ZSCAN20: variants seen among roughly 807,000 people sequenced by gnomAD.
The protein encoded by ZSCAN20 is zinc finger and SCAN domain containing 20.
Under a neutral mutation model 97.1 loss-of-function variants are expected in ZSCAN20, and 39 were observed. The observed-to-expected ratio is 0.40, with a 90% CI of 0.31 to 0.52. The LOEUF (loss-of-function observed/expected upper bound fraction) is 0.52, where lower values mean the gene tolerates loss of function less well. Among genes scored for constraint, ZSCAN20 ranks in the 20% least tolerant of loss-of-function variants. The probability of loss-of-function intolerance (pLI) is 0.49; values close to 1 mark genes in which losing one functional copy is unlikely to be tolerated. For synonymous variants in ZSCAN20, 456 were observed against 467.3 expected, an observed-to-expected ratio of 0.98 and a Z score of 0.31; for missense variants, 1,115 against 1,290.4, an observed-to-expected ratio of 0.86 and a Z score of 2.08.
chr1:33,500,941 TCTC>T lies in ZSCAN20; in HGVS notation c.*5468_*5470del, dbSNP rs200278120. ...TGTGGCACAAAGGAGAAAGGAGTCT[TCTC>T]CTTCCACATAGAACACACTTGGCTT... On this transcript the variant is annotated 3_prime_UTR_variant, in exon 8 of 8. Coordinates refer to ENST00000684572, the MANE Select transcript of ZSCAN20 (RefSeq NM_001377376.1). Among the ~76,000 whole-genome samples the T allele has an allele frequency of 0.017, 2,615 of 152,032 alleles. 80 individuals are homozygous for T. Among genetic ancestry groups the T allele is most frequent in the African/African-American group, 0.059 (2,449 of 41,458 alleles).
Position 33,499,252 on chromosome 1 carries a change from G to A in ZSCAN20, c.*3776G>A, listed in dbSNP as rs34328270. Among the ~76,000 whole-genome samples the A allele has an allele frequency of 6.6e-6, 1 of 152,212 alleles. No homozygotes were observed. The highest frequency in any genetic ancestry group is 1.5e-5 in the Non-Finnish European group (1 of 68,034). On this transcript the variant is annotated 3_prime_UTR_variant, in exon 8 of 8. Coordinates refer to ENST00000684572, the MANE Select transcript of ZSCAN20 (RefSeq NM_001377376.1). ...GTCTGGAGTGGGTGTGGGTGTTGCA[G>A]GTGAACTTGCCTCACCCAGGCTGTT... is the stretch of plus-strand genomic sequence containing the variant.
At chr1:33,489,662 A>C (rs926339482) in intron 5 of ZSCAN20, 60 bp downstream of exon 5, 3 of 1,523,004 alleles carry the variant, frequency 2.0e-6, no homozygotes, top group Non-Finnish European at 2.7e-6. Flanking sequence ...CCAGTTCCCA[A>C]AGAGGGTTTT....
At chr1:33,474,617 T>G (rs1651852781) in intron 1 of ZSCAN20, among the ~76,000 whole-genome samples, 1 of 152,220 alleles carries the variant, frequency 6.6e-6, no homozygotes, top group Non-Finnish European at 1.5e-5. Context: ...TTGAGATCAC[T>G]TAGCTGAATC....
chr1:33,489,155 G>T lies in ZSCAN20; in HGVS notation c.645G>T (p.Gly215=). The change falls in exon 4 of 8, where the codon GGG becomes GGT. Residue 215 remains glycine (G), a synonymous_variant. Coordinates refer to ENST00000684572, the MANE Select transcript of ZSCAN20 (RefSeq NM_001377376.1). ...GAGTCCCTACTCTCCCAAAGATGGG[G>T]AGCGTTGGAGATTGGGAGGTGACAG... The part of the protein sequence containing the change: ...TPRVPTLPKM[G]SVGDWEVTAE... The T allele has an allele frequency of 6.2e-7, 1 of 1,613,876 alleles. No homozygotes were observed. Among genetic ancestry groups the T allele is most frequent in the Non-Finnish European group, 8.5e-7 (1 of 1,179,878 alleles).
rs1035798352 is a variant in ZSCAN20, at chr1:33,499,116, T to C, written c.*3640T>C. Among the ~76,000 whole-genome samples, 1 of 152,144 alleles carries C rather than the reference T, an allele frequency of 6.6e-6. No individual in the cohort carries two copies. The highest frequency in any genetic ancestry group is 1.5e-5 in the Non-Finnish European group (1 of 68,028). ...CCTCATCTTGTTCTGGGGCCCCCAG[T>C]GGGGATAGCTCTCTGCTTTCGGGCT... is the stretch of plus-strand genomic sequence containing the variant. On this transcript the variant is annotated 3_prime_UTR_variant, in exon 8 of 8. Coordinates refer to ENST00000684572, the MANE Select transcript of ZSCAN20 (RefSeq NM_001377376.1).
chr1:33,489,636 C>G, intron 5 of ZSCAN20, 34 bp downstream of exon 5: 1 of 1,592,658 alleles, frequency 6.3e-7, no homozygotes. Context: ...GTGATGTTGT[C>G]ATGCTTCTGA....
chr1:33,491,680 A>C lies in ZSCAN20; in HGVS notation c.1422A>C (p.Pro474=). The change falls in exon 6 of 8, where the codon CCA becomes CCC. Residue 474 remains proline, a synonymous_variant. Transcript: ENST00000684572. This position sits in a 1 kb window ranked among gnomAD's most constrained non-coding sequence, Gnocchi z 4.3. ...STQGPRIAGA[P]ALFQSRIAGV... ...AGGGGCCCAGGATTGCAGGGGCCCC[A>C]GCTCTGTTCCAGAGTCGTATTGGTA... 1.2e-6 allele frequency: 2 copies of C among 1,602,182 alleles called. No individual in the cohort carries two copies. Among genetic ancestry groups the C allele is most frequent in the Non-Finnish European group, 1.7e-6 (2 of 1,175,544 alleles).
rs1281579263 is a variant in ZSCAN20, at chr1:33,491,727, A to G, written c.1444+25A>G. The G allele has an allele frequency of 4.6e-6, 7 of 1,533,828 alleles. No homozygotes were observed. In the South Asian group the frequency reaches 7.8e-5, roughly 17 times the overall value. On this transcript the variant is annotated intron_variant, in intron 6 of 7. Coordinates refer to ENST00000684572, the MANE Select transcript of ZSCAN20 (RefSeq NM_001377376.1). This position sits in a 1 kb window ranked among gnomAD's most constrained non-coding sequence, Gnocchi z 4.3. ...GGTAAGAACATGGGGGTTTAGTCAG[A>G]TTCAGATTTCCAACCCTCCTACCAG...
chr1:33,479,725 C>G lies in ZSCAN20; in HGVS notation c.417+20C>G, dbSNP rs114695980. The G allele has an allele frequency of 6.7e-7, 1 of 1,485,958 alleles. No individual in the cohort carries two copies. The highest frequency in any genetic ancestry group is 1.4e-5 in the African/African-American group (1 of 70,942). The allele number at this position is 1,485,958 out of a possible 1,614,324, so 92.0% of individuals were successfully genotyped here. On this transcript the variant is annotated intron_variant, in intron 2 of 7. Transcript: ENST00000684572. ...CAGTCGGTGAGACAAACAGTCTTCT[C>G]CTGCAGAGGAGTGGGTCAGGCAAGG...
rs1399808143 is a variant in ZSCAN20 at position 33,497,938 on chromosome 1, G to A, written c.*2462G>A. Among the ~76,000 whole-genome samples the A allele has an allele frequency of 6.6e-6, 1 of 152,182 alleles. No homozygotes were observed. The highest frequency in any genetic ancestry group is 1.5e-5 in the Non-Finnish European group (1 of 68,024). On this transcript the variant is annotated 3_prime_UTR_variant, in exon 8 of 8. Transcript: ENST00000684572. Reference sequence around the variant, plus strand: ...TCATGGTGATGCTATGCATTTGGATGTCGGCTAGCAGCTAGGGGAGAGGCT... The same window carrying A: ...TCATGGTGATGCTATGCATTTGGATATCGGCTAGCAGCTAGGGGAGAGGCT...
intron 1 of ZSCAN20, 142 bp from the exon 2 acceptor site, chr1:33,479,037 G>A: frequency 2.5e-6 from 1 of 393,128 alleles, no homozygotes; most frequent in Non-Finnish European, 4.5e-6. Flanking sequence ...CCAGATTGTG[G>A]CCTTACTTCC....
intron 1 of ZSCAN20, among the ~76,000 whole-genome samples, chr1:33,473,074 T>C (rs2148438588): frequency 6.6e-6 from 1 of 152,108 alleles, no homozygotes; most frequent in Admixed American, 6.5e-5. Context: ...AAAAATAGTG[T>C]TTCAATCTCT....
chr1:33,491,730 C>T lies in ZSCAN20; in HGVS notation c.1444+28C>T, dbSNP rs1557444095. ...AAGAACATGGGGGTTTAGTCAGATTCAGATTTCCAACCCTCCTACCAGCTA... is the reference window on the plus strand; with the variant it reads ...AAGAACATGGGGGTTTAGTCAGATTTAGATTTCCAACCCTCCTACCAGCTA... On this transcript the variant is annotated intron_variant, in intron 6 of 7. Coordinates refer to ENST00000684572, the MANE Select transcript of ZSCAN20 (RefSeq NM_001377376.1). The surrounding 1 kb of genome is among the most constrained non-coding windows in gnomAD (Gnocchi z 4.3). The T allele has an allele frequency of 6.5e-7, 1 of 1,532,422 alleles. No individual in the cohort carries two copies. 94.9% of individuals were successfully genotyped at this position (1,532,422 alleles called of 1,614,324 possible).
At chr1:33,481,146 C>T (rs531386760) in intron 2 of ZSCAN20, among the ~76,000 whole-genome samples, 1 of 152,232 alleles carries the variant, frequency 6.6e-6, no homozygotes, top group South Asian at 2.1e-4. Flanking sequence ...AGTTACAGAA[C>T]TAAGTATGAG....
chr1:33,491,421 G>A lies in ZSCAN20; in HGVS notation c.1163G>A (p.Arg388Gln), dbSNP rs778939140. 133 of 1,614,062 alleles carry A rather than the reference G, an allele frequency of 8.2e-5. No homozygotes were observed. The highest frequency in any genetic ancestry group is 1.0e-4 in the Non-Finnish European group (121 of 1,180,038). Residue 388 changes from arginine to glutamine, a missense_variant, in exon 6 of 8, where the codon CGG becomes CAG. By Grantham distance (43) the Arg-to-Gln change is conservative. Coordinates refer to ENST00000684572, the MANE Select transcript of ZSCAN20 (RefSeq NM_001377376.1). The surrounding 1 kb of genome is among the most constrained non-coding windows in gnomAD (Gnocchi z 4.3). The part of the protein sequence containing the change: ...YRVKNLLRNY[R>Q]KAKSSHPPGT... ...GTCAAAAACCTCCTACGGAATTACCGGAAAGCCAAGAGCAGCCACCCACCA... is the reference window on the plus strand; with the variant it reads ...GTCAAAAACCTCCTACGGAATTACCAGAAAGCCAAGAGCAGCCACCCACCA...
chr1:33,492,887 T>A (rs1008975036), intron 6 of ZSCAN20, among the ~76,000 whole-genome samples: 7 of 151,262 alleles, frequency 4.6e-5, no homozygotes, highest in African/African-American at 1.7e-4. Context: ...CCTGAACTAA[T>A]CAGCTAAAGC....
chr1:33,492,005 A>G (rs748773511), intron 6 of ZSCAN20: 13 of 262,784 alleles, frequency 4.9e-5, no homozygotes, highest in Non-Finnish European at 5.7e-5. Context: ...TACATGAATG[A>G]ACTTTAAATT....
chr1:33,483,676 GAA>G (rs57834372), intron 2 of ZSCAN20, among the ~76,000 whole-genome samples: 3 of 141,088 alleles, frequency 2.1e-5, no homozygotes, highest in Admixed American at 7.1e-5. Flanking sequence ...CATTGCTATT[GAA>G]AAAAAAAAAA....
chr1:33,475,525 A>C (rs1409161904), intron 1 of ZSCAN20, among the ~76,000 whole-genome samples: 1 of 152,230 alleles, frequency 6.6e-6, no homozygotes, highest in African/African-American at 2.4e-5. Context: ...CTTAGTGGAA[A>C]GAGAGGCACG....
Sources: allele counts gnomAD v4.1 joint callset (sites outside exome capture counted in the v4.1 genomes callset), GRCh38; gene constraint gnomAD v4.1.1; non-coding constraint Gnocchi (gnomAD v3.1); transcripts MANE v1.5; gene names NCBI Gene and HGNC (gene_info 2026-07-23, HGNC 2026-07-21).